IFTAP: variants seen among roughly 807,000 people sequenced by gnomAD.
IFTAP encodes the protein intraflagellar transport-associated protein.
A neutral mutation model predicts 19.4 loss-of-function variants in IFTAP; 19 were observed. The observed-to-expected ratio is 0.98, with a 90% CI of 0.68 to 1.44. The LOEUF (loss-of-function observed/expected upper bound fraction) is 1.44, where lower values mean the gene tolerates loss of function less well. Ranked by LOEUF, IFTAP falls within the 40% of genes most tolerant of loss-of-function variation. IFTAP has a pLI of 0.00. For missense variants in IFTAP, 240 were observed against 253.6 expected, an observed-to-expected ratio of 0.95 and a Z score of 0.36; for synonymous variants, 85 against 83.5, an observed-to-expected ratio of 1.02 and a Z score of -0.10.
intron 1 of IFTAP, among the ~76,000 whole-genome samples, chr11:36,601,751 C>T (rs12288887): frequency 0.039 from 5,872 of 151,938 alleles, 370 homozygotes; most frequent in African/African-American, 0.13. Context: ...CCTTCTGGGC[C>T]CAAGTGATCC....
At chr11:36,641,624 C>T (rs1308687364) in intron 4 of IFTAP, among the ~76,000 whole-genome samples, 1 of 152,192 alleles carries the variant, frequency 6.6e-6, no homozygotes, top group Non-Finnish European at 1.5e-5. Flanking sequence ...TTTGATTGCA[C>T]TGTGGTCAGA....
At chr11:36,641,984 ATAGT>A (rs1420785246) in intron 4 of IFTAP, among the ~76,000 whole-genome samples, 3 of 152,112 alleles carry the variant, frequency 2.0e-5, no homozygotes, top group African/African-American at 4.8e-5. Flanking sequence ...TATATTTAAG[ATAGT>A]TAGCTCTTCT....
At chr11:36,644,403 A>T (rs1464434043) in intron 4 of IFTAP, among the ~76,000 whole-genome samples, 1 of 152,228 alleles carries the variant, frequency 6.6e-6, no homozygotes, top group African/African-American at 2.4e-5. Context: ...TGTTGGTGGG[A>T]CTGTAAACTA....
At chr11:36,642,804 A>G (rs1305029235) in intron 4 of IFTAP, among the ~76,000 whole-genome samples, 3 of 152,220 alleles carry the variant, frequency 2.0e-5, no homozygotes, top group African/African-American at 7.2e-5. Flanking sequence ...ACAAAATTCA[A>G]CAGCCCTTCA....
chr11:36,620,892 A>G (rs1413796910), intron 2 of IFTAP, among the ~76,000 whole-genome samples: 1 of 151,840 alleles, frequency 6.6e-6, no homozygotes, highest in Non-Finnish European at 1.5e-5. Context: ...AAAGATACAC[A>G]TCTTTTCAAT....
At chr11:36,608,149 C>A (rs1441960954) in intron 1 of IFTAP, among the ~76,000 whole-genome samples, 3 of 152,072 alleles carry the variant, frequency 2.0e-5, no homozygotes, top group African/African-American at 7.2e-5. Flanking sequence ...AATATGGTTC[C>A]ATTTTTAGAA....
intron 2 of IFTAP, among the ~76,000 whole-genome samples, chr11:36,623,317 T>TC (rs138281452): frequency 0.11 from 17,179 of 151,926 alleles, 1,141 homozygotes; most frequent in African/African-American, 0.17. Flanking sequence ...TTATATTTTT[T>TC]TATGAATAAG....
At chr11:36,650,558 C>CA (rs1287408197) in intron 5 of IFTAP, among the ~76,000 whole-genome samples, 74 of 139,168 alleles carry the variant, frequency 5.3e-4, no homozygotes, top group East Asian at 2.1e-3. Context: ...TTTTTTTTTC[C>CA]AAAAAAAAAA....
intron 5 of IFTAP, among the ~76,000 whole-genome samples, chr11:36,648,724 C>A (rs1853590724): frequency 6.6e-6 from 1 of 152,036 alleles, no homozygotes; most frequent in Non-Finnish European, 1.5e-5. Flanking sequence ...TGTTCCAGGT[C>A]AGGTCATCAT....
chr11:36,596,971 A>G (rs1851292642), intron 1 of IFTAP, among the ~76,000 whole-genome samples: 1 of 152,096 alleles, frequency 6.6e-6, no homozygotes, highest in Non-Finnish European at 1.5e-5. Context: ...AGGGCTTTTG[A>G]CCTGTTTTCC....
At chr11:36,603,247 A>G (rs1443581628) in intron 1 of IFTAP, among the ~76,000 whole-genome samples, 1 of 152,196 alleles carries the variant, frequency 6.6e-6, no homozygotes, top group East Asian at 1.9e-4. Context: ...AGGAAAGGGA[A>G]GCAAATTTTT....
intron 4 of IFTAP, among the ~76,000 whole-genome samples, chr11:36,642,817 C>G (rs1324499768): frequency 6.6e-6 from 1 of 152,142 alleles, no homozygotes; most frequent in East Asian, 1.9e-4. Flanking sequence ...GCCCTTCATG[C>G]TAAAAACTCT....
intron 1 of IFTAP, among the ~76,000 whole-genome samples, chr11:36,602,660 A>G (rs1412333071): frequency 2.0e-5 from 3 of 152,184 alleles, no homozygotes; most frequent in African/African-American, 4.8e-5. Context: ...ACTCATTGAT[A>G]TAGTTGATAG....
chr11:36,603,751 G>T (rs1034844206), intron 1 of IFTAP, among the ~76,000 whole-genome samples: 3 of 151,974 alleles, frequency 2.0e-5, no homozygotes, highest in Admixed American at 2.0e-4. Context: ...GTGAAACCCT[G>T]TCTCTACTCA....
At chr11:36,653,645 A>G (rs1474734969) in intron 5 of IFTAP, among the ~76,000 whole-genome samples, 2 of 152,176 alleles carry the variant, frequency 1.3e-5, no homozygotes, top group African/African-American at 4.8e-5. Flanking sequence ...TGTATTTGAA[A>G]AGCTGTCATT....
At chr11:36,598,470 C>G (rs1162426352) in intron 1 of IFTAP, among the ~76,000 whole-genome samples, 1 of 152,160 alleles carries the variant, frequency 6.6e-6, no homozygotes, top group Non-Finnish European at 1.5e-5. Flanking sequence ...TAGAAAAACA[C>G]AGAAGAAATA....
chr11:36,626,512 C>A (rs1370724033), intron 2 of IFTAP, among the ~76,000 whole-genome samples: 1 of 151,268 alleles, frequency 6.6e-6, no homozygotes, highest in Non-Finnish European at 1.5e-5. Context: ...ATCTACATTT[C>A]AATCTTAATT....
At chr11:36,615,024 G>A (rs1852024161) in intron 2 of IFTAP, among the ~76,000 whole-genome samples, 1 of 138,210 alleles carries the variant, frequency 7.2e-6, no homozygotes, top group South Asian at 2.3e-4. Flanking sequence ...TAATGCCTAG[G>A]TTTTCTTCTA....
At chr11:36,632,302 A>G (rs1170156609) in intron 2 of IFTAP, among the ~76,000 whole-genome samples, 1 of 151,136 alleles carries the variant, frequency 6.6e-6, no homozygotes, top group African/African-American at 2.5e-5. Flanking sequence ...AAATAATGTT[A>G]TGGCTTAAAC....
Sources: allele counts gnomAD v4.1 joint callset (sites outside exome capture counted in the v4.1 genomes callset), GRCh38; gene constraint gnomAD v4.1.1; transcripts MANE v1.5; gene names NCBI Gene and HGNC (gene_info 2026-07-23, HGNC 2026-07-21).